The following EIF3M variants were observed in gnomAD, a reference collection of about 807,000 sequenced individuals.
EIF3M encodes B5 receptor.
In EIF3M, 25 loss-of-function variants were observed where a neutral mutation model predicts 49.7. The observed-to-expected ratio is 0.50, with a 90% CI of 0.37 to 0.70. The LOEUF is 0.70. EIF3M is among the 30% of genes least tolerant of loss of function. The probability of loss-of-function intolerance (pLI) is 0.00; values close to 1 mark genes in which losing one functional copy is unlikely to be tolerated. For missense variants in EIF3M, 350 were observed against 440.0 expected (o/e 0.80, Z 1.83); for synonymous variants, 156 against 149.8 (o/e 1.04, Z -0.30).
At chr11:32,590,210 A>T (rs1459907587) in intron 5 of EIF3M, among the ~76,000 whole-genome samples, 1 of 152,202 alleles carries the variant, frequency 6.6e-6, no homozygotes, top group Non-Finnish European at 1.5e-5. Context: ...ATATTTCATG[A>T]TATGTGGACA....
intron 1 of EIF3M, 170 bp downstream of exon 1, chr11:32,584,099 A>G: frequency 3.6e-6 from 3 of 833,472 alleles, no homozygotes; most frequent in Non-Finnish European, 5.4e-6. Context: ...CTCGATTCGC[A>G]CCAGCTCGCC....
chr11:32,594,819 T>G, intron 6 of EIF3M, 95 bp from the exon 7 acceptor site: 1 of 1,082,738 alleles, frequency 9.2e-7, no homozygotes, highest in Non-Finnish European at 1.3e-6. Flanking sequence ...CTGTTAGATA[T>G]TTTGCCGAAT....
rs1406926610 is a variant in EIF3M, at chr11:32,603,143, C to T, written c.*744C>T. ...CCATCTCTTGGCTGATTTCCACTAC[C>T]TTAGTAGTTCTGGCACCAGAAAAGT... On this transcript the variant is annotated 3_prime_UTR_variant, in exon 11 of 11. Transcript: ENST00000531120. 5.7e-6 allele frequency: 4 copies of T among 701,392 alleles called. No individual in the cohort carries two copies. The Admixed American group carries it at 1.2e-4, about 22-fold the overall frequency. The allele number at this position is 701,392 out of a possible 1,614,324, so 43.4% of individuals were successfully genotyped here.
At chr11:32,595,493 C>G (rs1429769695) in intron 7 of EIF3M, among the ~76,000 whole-genome samples, 1 of 152,176 alleles carries the variant, frequency 6.6e-6, no homozygotes, top group Non-Finnish European at 1.5e-5. Flanking sequence ...CTTCGGCCTC[C>G]CAGAGTGCTG....
chr11:32,584,607 CAAAAAAAAA>C (rs796738414), intron 1 of EIF3M, among the ~76,000 whole-genome samples: 7 of 62,310 alleles, frequency 1.1e-4, no homozygotes, highest in African/African-American at 3.6e-4. Context: ...GAGTCCCTCT[CAAAAAAAAA>C]AAAAAAAAAA....
In EIF3M at chr11:32,602,151, A is replaced by G. The variant is rs757136622; in HGVS notation, c.1005-128A>G. 70 of 1,322,772 alleles carry G rather than the reference A, an allele frequency of 5.3e-5. No individual in the cohort carries two copies. The Middle Eastern group carries it at 1.7e-3, about 32-fold the overall frequency. 81.9% of individuals were successfully genotyped at this position (1,322,772 alleles called of 1,614,324 possible). A position where few individuals can be genotyped will look rare whatever the true frequency, so the allele number is the denominator to read the frequency against. On this transcript the variant is annotated intron_variant, in intron 10 of 10. Transcript: ENST00000531120. ...TTTTAAATAATTATGTAATTCTTAA[A>G]TTCTCTTACTATTCTAAATTAGGTA...
Position 32,587,067 on chromosome 11 carries a change from A to G in EIF3M, c.98A>G (p.Asn33Ser). The G allele has an allele frequency of 6.2e-7, 1 of 1,612,756 alleles. No homozygotes were observed. The highest frequency in any genetic ancestry group is 8.5e-7 in the Non-Finnish European group (1 of 1,178,958). The change falls in exon 2 of 11, where the codon AAC becomes AGC. Residue 33 changes from asparagine to serine, a missense_variant. Coordinates refer to ENST00000531120, the MANE Select transcript of EIF3M (RefSeq NM_006360.6). ...AAAGGAGCTGAGATTTCAGAAGAGA[A>G]CTCGGAAGGTGGACTTCATGTTGAT... ...KSKGAEISEE[N>S]SEGGLHVDLA...
In EIF3M at chr11:32,583,862, G is replaced by C; in HGVS notation, c.-26G>C. The C allele has an allele frequency of 1.2e-6, 2 of 1,611,172 alleles. No homozygotes were observed. Among genetic ancestry groups the C allele is most frequent in the Non-Finnish European group, 1.7e-6 (2 of 1,178,158 alleles). On this transcript the variant is annotated 5_prime_UTR_variant, in exon 1 of 11. Coordinates refer to ENST00000531120, the MANE Select transcript of EIF3M (RefSeq NM_006360.6). ...CGGTCGGCGTGGTCTTGCGAGTGGA[G>C]TGTCCGCTGTGCCCGGGCCTGCACC...
rs113415019 is a variant in EIF3M at position 32,583,854 on chromosome 11, C to A, written c.-34C>A. On this transcript the variant is annotated 5_prime_UTR_variant, in exon 1 of 11. Transcript: ENST00000531120. ...CCCTTTTCCGGTCGGCGTGGTCTTG[C>A]GAGTGGAGTGTCCGCTGTGCCCGGG... The A allele has an allele frequency of 3.1e-6, 5 of 1,609,486 alleles. No individual in the cohort carries two copies. The highest frequency in any genetic ancestry group is 3.4e-6 in the Non-Finnish European group (4 of 1,177,122).
intron 5 of EIF3M, among the ~76,000 whole-genome samples, chr11:32,593,202 T>C (rs980715315): frequency 2.0e-5 from 3 of 152,224 alleles, no homozygotes; most frequent in Non-Finnish European, 4.4e-5. Context: ...TTCTATAAGC[T>C]GAAGATTCCA....
At chr11:32,592,405 G>A in intron 5 of EIF3M, 1 of 547,230 alleles carries the variant, frequency 1.8e-6, no homozygotes, top group South Asian at 1.4e-5. Flanking sequence ...ACTTTTCAAA[G>A]TAGTCTCTCA....
In EIF3M at chr11:32,603,074, A is replaced by G; in HGVS notation, c.*675A>G. The G allele has an allele frequency of 7.0e-7, 1 of 1,427,062 alleles. No homozygotes were observed. The highest frequency in any genetic ancestry group is 9.6e-7 in the Non-Finnish European group (1 of 1,039,626). The allele number at this position is 1,427,062 out of a possible 1,614,324, so 88.4% of individuals were successfully genotyped here. A position where few individuals can be genotyped will look rare whatever the true frequency, so the allele number is the denominator to read the frequency against. ...GAAATTATTATACAAAAGATTTTAA[A>G]GAGTCTGTAAAGCCTCTGCAGTTAT... is the stretch of plus-strand genomic sequence containing the variant. On this transcript the variant is annotated 3_prime_UTR_variant, in exon 11 of 11. Coordinates refer to ENST00000531120, the MANE Select transcript of EIF3M (RefSeq NM_006360.6).
chr11:32,587,102 A>C lies in EIF3M; in HGVS notation c.133A>C (p.Ile45Leu). 1 of 1,612,848 alleles carries C rather than the reference A, an allele frequency of 6.2e-7. No homozygotes were observed. The highest frequency in any genetic ancestry group is 8.5e-7 in the Non-Finnish European group (1 of 1,179,018). The change falls in exon 2 of 11, where the codon ATT (isoleucine) becomes CTT (leucine). Residue 45 changes from isoleucine (I) to leucine (L), a missense_variant. Transcript: ENST00000531120. ...TGGACTTCATGTTGATTTAGCTCAAATTATTGAAGCCTGTGATGTGTGTCT... is the reference window on the plus strand; with the variant it reads ...TGGACTTCATGTTGATTTAGCTCAACTTATTGAAGCCTGTGATGTGTGTCT... ...EGGLHVDLAQIIEACDVCLKE... is the reference protein window; with the variant it reads ...EGGLHVDLAQLIEACDVCLKE...
intron 8 of EIF3M, among the ~76,000 whole-genome samples, chr11:32,596,374 G>A (rs989712445): frequency 2.6e-5 from 4 of 151,812 alleles, no homozygotes; most frequent in South Asian, 2.1e-4. Context: ...GGCGGATCAC[G>A]AGGTCAGGAG....
chr11:32,588,638 C>T lies in EIF3M; in HGVS notation c.220C>T (p.Leu74=). 1.2e-6 allele frequency: 2 copies of T among 1,614,172 alleles called. No individual in the cohort carries two copies. Among genetic ancestry groups the T allele is most frequent in the Non-Finnish European group, 1.7e-6 (2 of 1,180,032 alleles). ...CAGTGTGGTATCCCTACTCTTGATCCTGGAACCAGACAAGCAAGAAGCTTT... is the reference window on the plus strand; with the variant it reads ...CAGTGTGGTATCCCTACTCTTGATCTTGGAACCAGACAAGCAAGAAGCTTT... ...MNSVVSLLLI[L]EPDKQEALIE... Residue 74 remains leucine, a synonymous_variant, in exon 3 of 11, where the codon CTG becomes TTG. Coordinates refer to ENST00000531120, the MANE Select transcript of EIF3M (RefSeq NM_006360.6).
Position 32,602,731 on chromosome 11 carries a change from T to C in EIF3M, c.*332T>C. 1.8e-6 allele frequency: 2 copies of C among 1,111,430 alleles called. No individual in the cohort carries two copies. Among genetic ancestry groups the C allele is most frequent in the South Asian group, 3.4e-5 (2 of 59,458 alleles). The allele number at this position is 1,111,430 out of a possible 1,614,324, so 68.8% of individuals were successfully genotyped here. A position where few individuals can be genotyped will look rare whatever the true frequency, so the allele number is the denominator to read the frequency against. On this transcript the variant is annotated 3_prime_UTR_variant, in exon 11 of 11. Transcript: ENST00000531120. Reference sequence around the variant, plus strand: ...CAAAGACAAACTGTAGAGCTTTAAATACAACAGTCATTTTATTCTAGTAAA... The same window carrying C: ...CAAAGACAAACTGTAGAGCTTTAAACACAACAGTCATTTTATTCTAGTAAA...
At chr11:32,602,244 T>G (rs1470006281) in intron 10 of EIF3M, 35 bp from the exon 11 acceptor site, 1 of 1,595,734 alleles carries the variant, frequency 6.3e-7, no homozygotes, top group Non-Finnish European at 8.5e-7. Context: ...GGCTAAAAGG[T>G]TGACTAACAC....
At chr11:32,593,602 A>G (rs935161502) in intron 5 of EIF3M, among the ~76,000 whole-genome samples, 5 of 152,212 alleles carry the variant, frequency 3.3e-5, no homozygotes, top group African/African-American at 1.2e-4. Flanking sequence ...CCCACTGTAC[A>G]TAAAGCGGCC....
At chr11:32,588,285 A>T (rs1483754781) in intron 2 of EIF3M, among the ~76,000 whole-genome samples, 1 of 147,970 alleles carries the variant, frequency 6.8e-6, no homozygotes, top group Admixed American at 6.8e-5. Flanking sequence ...GCTACTTGGG[A>T]GGCTGAGACG....
Sources: allele counts gnomAD v4.1 joint callset (sites outside exome capture counted in the v4.1 genomes callset), GRCh38; gene constraint gnomAD v4.1.1; transcripts MANE v1.5; gene names NCBI Gene and HGNC (gene_info 2026-07-23, HGNC 2026-07-21).